Variants in PCDH15 observed in about 807,000 individuals in gnomAD.
PCDH15 encodes the protein protocadherin-15.
A neutral mutation model predicts 178.5 loss-of-function variants in PCDH15; 129 were observed. The observed-to-expected ratio is 0.72, with a 90% CI of 0.63 to 0.84. The LOEUF (loss-of-function observed/expected upper bound fraction) is 0.84. PCDH15 is among the 40% of genes least tolerant of loss of function. The pLI is 0.00. For missense variants in PCDH15, 2,230 were observed against 2,099.9 expected (o/e 1.06, Z -1.21); for synonymous variants, 800 against 732.0 (o/e 1.09, Z -1.50).
At chr10:55,138,509 G>A (rs1348374546) in intron 2 of PCDH15, among the ~76,000 whole-genome samples, 1 of 152,036 alleles carries the variant, frequency 6.6e-6, no homozygotes, top group African/African-American at 2.4e-5. Context: ...CCCCAATGTT[G>A]TGTCCTGTAG....
At chr10:55,190,205 T>C (rs1431754978) in intron 1 of PCDH15, among the ~76,000 whole-genome samples, 1 of 151,618 alleles carries the variant, frequency 6.6e-6, no homozygotes, top group South Asian at 2.1e-4. Context: ...AACTAATTTA[T>C]GGCAATGACA....
At chr10:54,310,221 A>G (rs1488146598) in intron 8 of PCDH15, among the ~76,000 whole-genome samples, 5 of 152,094 alleles carry the variant, frequency 3.3e-5, no homozygotes, top group African/African-American at 1.2e-4. Context: ...CATTTGGTGT[A>G]TGATGGAAAA....
intron 2 of PCDH15, among the ~76,000 whole-genome samples, chr10:54,555,909 C>G (rs2087199157): frequency 6.6e-6 from 1 of 151,922 alleles, no homozygotes; most frequent in Admixed American, 6.6e-5. Context: ...GGGAAGAACA[C>G]CTCACATTTC....
In PCDH15 at chr10:53,949,406, T is replaced by G. The variant is rs149181426; in HGVS notation, c.3123-8431A>C. The stretch of plus-strand genomic sequence containing the variant: ...ATGCATTTGTTTTACATTATTTTAA[T>G]AGTCTTCAGACAGCTTTCATTAACT... On this transcript the variant is annotated intron_variant, in intron 23 of 37. Coordinates refer to ENST00000644397, the MANE Select transcript of PCDH15 (RefSeq NM_001384140.1). Among the ~76,000 whole-genome samples the G allele has an allele frequency of 3.2e-3, 480 of 152,370 alleles. 2 individuals carry two copies. Among genetic ancestry groups the G allele is most frequent in the Admixed American group, 5.0e-3 (77 of 15,300 alleles).
intron 18 of PCDH15, among the ~76,000 whole-genome samples, chr10:54,035,798 GCTTAAAAA>G (rs539364530): frequency 1.4e-3 from 217 of 152,108 alleles, no homozygotes; most frequent in African/African-American, 4.6e-3. Flanking sequence ...AGCTGAGAAA[GCTTAAAAA>G]CTTGGCCTCT....
intron 2 of PCDH15, among the ~76,000 whole-genome samples, chr10:54,625,302 AACG>A (rs2093511247): frequency 6.6e-6 from 1 of 152,194 alleles, no homozygotes; most frequent in Non-Finnish European, 1.5e-5. Context: ...TACATTTCAC[AACG>A]ACAAGGAAAG....
intron 3 of PCDH15, among the ~76,000 whole-genome samples, chr10:54,388,409 C>A (rs1217474360): frequency 6.6e-6 from 1 of 152,156 alleles, no homozygotes; most frequent in Non-Finnish European, 1.5e-5. Context: ...GAAGAGAGAT[C>A]ACTTTCATCT....
At chr10:54,766,638 T>G (rs1161165426) in intron 1 of PCDH15, among the ~76,000 whole-genome samples, 1 of 151,862 alleles carries the variant, frequency 6.6e-6, no homozygotes, top group East Asian at 1.9e-4. Flanking sequence ...TTAAAAAAAG[T>G]AGTTTGTAGG....
chr10:54,212,955 T>C (rs1275741350), intron 10 of PCDH15, among the ~76,000 whole-genome samples: 2 of 152,160 alleles, frequency 1.3e-5, no homozygotes, highest in Non-Finnish European at 2.9e-5. Context: ...ATTACTAAAA[T>C]TGCGGCAACA....
At chr10:55,159,957 C>CT (rs1162912859) in intron 2 of PCDH15, among the ~76,000 whole-genome samples, 2 of 151,680 alleles carry the variant, frequency 1.3e-5, no homozygotes, top group African/African-American at 4.8e-5. Context: ...TGCTTCTGAA[C>CT]TTTCTCATAA....
chr10:54,170,655 G>A (rs2046800089), intron 13 of PCDH15, among the ~76,000 whole-genome samples: 1 of 151,654 alleles, frequency 6.6e-6, no homozygotes, highest in East Asian at 1.9e-4. Context: ...CCCCATGACT[G>A]TATCCCTCTG....
At chr10:53,972,659 C>T (rs572288573) in intron 21 of PCDH15, among the ~76,000 whole-genome samples, 6 of 152,204 alleles carry the variant, frequency 3.9e-5, no homozygotes, top group Admixed American at 1.3e-4. Flanking sequence ...CAAAAGAAGA[C>T]ATTTATGCAG....
At position 55,222,317 on chromosome 10, in the gene PCDH15, A is replaced by C. The variant is rs368494438; in HGVS notation, c.-155-55666T>G. ...TAGTCATATTCTGTAACTTGTTTTG[A>C]ATAGTAGTTATATGGGTGTATTCCA... On this transcript the variant is annotated intron_variant, in intron 1 of 5. Transcript: ENST00000458638. Among the ~76,000 whole-genome samples, 15 of 152,000 alleles carry C rather than the reference A, an allele frequency of 9.9e-5. 1 individual carries two copies. The East Asian group carries it at 1.9e-3, about 20-fold the overall frequency.
chr10:54,318,795 T>C (rs761380045), intron 7 of PCDH15, among the ~76,000 whole-genome samples: 2 of 152,200 alleles, frequency 1.3e-5, no homozygotes, highest in Non-Finnish European at 2.9e-5. Context: ...AACTGCTATT[T>C]TGACATATTT....
At chr10:54,586,842 G>GA (rs369169332) in intron 2 of PCDH15, among the ~76,000 whole-genome samples, 1,973 of 152,048 alleles carry the variant, frequency 0.013, 43 homozygotes, top group African/African-American at 0.045. Flanking sequence ...CTAGCTAGTA[G>GA]AAAAAAATGG....
At chr10:54,629,283 A>G (rs1590679096) in intron 2 of PCDH15, among the ~76,000 whole-genome samples, 1 of 152,194 alleles carries the variant, frequency 6.6e-6, no homozygotes. Flanking sequence ...AGAACTTTAT[A>G]GAAGTATTTT....
chr10:54,680,860 T>C (rs1488282846), intron 1 of PCDH15, among the ~76,000 whole-genome samples: 3 of 152,174 alleles, frequency 2.0e-5, no homozygotes, highest in African/African-American at 7.2e-5. Flanking sequence ...GGGTATGTCT[T>C]TATTAGCAGC....
chr10:54,610,331 T>G (rs571367491), intron 2 of PCDH15, among the ~76,000 whole-genome samples: 2 of 151,942 alleles, frequency 1.3e-5, no homozygotes, highest in African/African-American at 4.8e-5. Context: ...CTTATATTGT[T>G]TAGTACAAGG....
chr10:55,056,982 T>C (rs1591865064), intron 2 of PCDH15, among the ~76,000 whole-genome samples: 1 of 152,164 alleles, frequency 6.6e-6, no homozygotes, highest in African/African-American at 2.4e-5. Context: ...TTGTTTATCA[T>C]TATTGTTCAG....
Sources: gnomAD v4.1 joint callset for allele counts (sites outside exome capture counted in the v4.1 genomes callset) on GRCh38, gnomAD v4.1.1 for gene constraint, MANE v1.5 for transcripts, NCBI Gene and HGNC (gene_info 2026-07-23, HGNC 2026-07-21) for gene names.